C2orf42: variants seen among roughly 807,000 people sequenced by gnomAD.
The protein encoded by C2orf42 is chromosome 2 open reading frame 42.
C2orf42 carries 44 observed loss-of-function variants against 58.9 expected under a neutral mutation model. The observed-to-expected ratio is 0.75, with a 90% confidence interval of 0.59 to 0.96. The LOEUF (loss-of-function observed/expected upper bound fraction) is 0.96. Among genes scored for constraint, C2orf42 ranks in the 40% least tolerant of loss-of-function variants. The probability of loss-of-function intolerance (pLI) is 0.00; values close to 1 mark genes in which losing one functional copy is unlikely to be tolerated. For missense variants in C2orf42, 630 were observed against 699.2 expected, an observed-to-expected ratio of 0.90 and a Z score of 1.12; for synonymous variants, 239 against 265.4, an observed-to-expected ratio of 0.90 and a Z score of 0.97.
At chr2:70,177,332 C>T (rs1391069102) in intron 4 of C2orf42, among the ~76,000 whole-genome samples, 2 of 151,518 alleles carry the variant, frequency 1.3e-5, no homozygotes, top group Non-Finnish European at 2.9e-5. Flanking sequence ...CCCAGCTACT[C>T]GGGAGGCTAA....
chr2:70,171,719 T>G (rs1019158550), intron 5 of C2orf42, among the ~76,000 whole-genome samples: 5 of 151,778 alleles, frequency 3.3e-5, no homozygotes, highest in Non-Finnish European at 7.4e-5. Flanking sequence ...GACATCTTGG[T>G]CAGGCTGGTC....
rs1467888401 is a variant in C2orf42, at chr2:70,169,583, T to A, written c.1118A>T (p.His373Leu). Residue 373 changes from histidine (H) to leucine (L), a missense_variant, in exon 6 of 10, where the codon CAT becomes CTT. Coordinates refer to ENST00000264434, the MANE Select transcript of C2orf42 (RefSeq NM_017880.3). The stretch of plus-strand genomic sequence containing the variant: ...ATCAAACTGATAGTGCATGGTTTGA[T>A]GGATGCGTTCTGTGACACTGGCCAG... ...DWLASVTERIHQTMHYQFDGK... is the reference protein window; with the variant it reads ...DWLASVTERILQTMHYQFDGK... 6 of 1,600,834 alleles carry A rather than the reference T, an allele frequency of 3.7e-6. No individual in the cohort carries two copies. The highest frequency in any genetic ancestry group is 5.1e-6 in the Non-Finnish European group (6 of 1,168,104).
At chr2:70,160,014 C>A (rs1391845620) in intron 9 of C2orf42, among the ~76,000 whole-genome samples, 1 of 152,026 alleles carries the variant, frequency 6.6e-6, no homozygotes, top group Non-Finnish European at 1.5e-5. Context: ...ATTATAAATT[C>A]TAAATTTCTT....
At chr2:70,170,761 A>G (rs1231485315) in intron 5 of C2orf42, among the ~76,000 whole-genome samples, 2 of 149,958 alleles carry the variant, frequency 1.3e-5, no homozygotes, top group African/African-American at 4.9e-5. Context: ...AAAAAAAAAG[A>G]AAAAGAAAAT....
intron 8 of C2orf42, among the ~76,000 whole-genome samples, chr2:70,161,348 G>C (rs1673038293): frequency 6.6e-6 from 1 of 152,208 alleles, no homozygotes; most frequent in Admixed American, 6.5e-5. Context: ...GGTAAGTAAT[G>C]CCTGACAGTG....
chr2:70,165,462 A>T (rs1448286103), intron 7 of C2orf42, 66 bp downstream of exon 7: 1 of 944,128 alleles, frequency 1.1e-6, no homozygotes, highest in Non-Finnish European at 1.7e-6. Flanking sequence ...TTCCACACAG[A>T]TTTTTTCCAA....
At chr2:70,189,743 G>A (rs1675210220) in intron 1 of C2orf42, among the ~76,000 whole-genome samples, 1 of 130,332 alleles carries the variant, frequency 7.7e-6, no homozygotes, top group African/African-American at 2.9e-5. Context: ...AATGGCCTGA[G>A]TAGCTGGACG....
chr2:70,172,472 G>GT (rs1673892917), intron 5 of C2orf42, among the ~76,000 whole-genome samples: 1 of 152,076 alleles, frequency 6.6e-6, no homozygotes, highest in Non-Finnish European at 1.5e-5. Flanking sequence ...GAGCCCAGGA[G>GT]TTTGAGACCA....
Position 70,180,493 on chromosome 2 carries a change from G to A in C2orf42, c.823+670C>T, listed in dbSNP as rs1238504473. ...CATGGTGGCAGGCGCCTGTAATCCC[G>A]GCTACTTGGGAGACTGAGGCATGAG... On this transcript the variant is annotated intron_variant, in intron 3 of 9. Coordinates refer to ENST00000264434, the MANE Select transcript of C2orf42 (RefSeq NM_017880.3). 5.4e-5 allele frequency among the ~76,000 whole-genome samples: 8 copies of A among 148,078 alleles called. No individual in the cohort carries two copies. The East Asian group carries it at 8.1e-4, about 15-fold the overall frequency.
chr2:70,181,672 G>T lies in C2orf42; in HGVS notation c.314C>A (p.Thr105Lys). The T allele has an allele frequency of 1.9e-6, 3 of 1,614,104 alleles. No homozygotes were observed. The highest frequency in any genetic ancestry group is 2.5e-6 in the Non-Finnish European group (3 of 1,180,012). ...SETTIQTVDGTIITQLSSGRC... is the reference protein window; with the variant it reads ...SETTIQTVDGKIITQLSSGRC... ...TCCAGAGCTCAGCTGAGTGATGATC[G>T]TCCCATCCACTGTCTGGATTGTTGT... The change falls in exon 3 of 10, where the codon ACG (threonine) becomes AAG (lysine). Residue 105 changes from threonine (T) to lysine (K), a missense_variant. By Grantham distance (78) the Thr-to-Lys change is moderately conservative (BLOSUM62 -1). Transcript: ENST00000264434.
At chr2:70,159,670 G>T (rs1210947216) in intron 9 of C2orf42, among the ~76,000 whole-genome samples, 1 of 151,914 alleles carries the variant, frequency 6.6e-6, no homozygotes, top group Non-Finnish European at 1.5e-5. Context: ...TGAAATTCAA[G>T]TACAGTCTAA....
chr2:70,166,214 C>T (rs533360920), intron 6 of C2orf42, among the ~76,000 whole-genome samples: 22 of 151,116 alleles, frequency 1.5e-4, no homozygotes, highest in African/African-American at 4.6e-4. Context: ...ATTAGCCAGG[C>T]GTGGTGGTAT....
At chr2:70,156,086 C>T (rs1259914262) in intron 9 of C2orf42, among the ~76,000 whole-genome samples, 1 of 151,716 alleles carries the variant, frequency 6.6e-6, no homozygotes, top group Non-Finnish European at 1.5e-5. Flanking sequence ...ACCCGGGAGG[C>T]GGAGGTTGCG....
At position 70,181,648 on chromosome 2, in the gene C2orf42, C is replaced by A; in HGVS notation, c.338G>T (p.Gly113Val). ...DGTIITQLSS[G>V]RCYVPSCLKA... ...CAGGCATGAGGGGACATAACACCGT[C>A]CAGAGCTCAGCTGAGTGATGATCGT... Residue 113 changes from glycine (G) to valine (V), a missense_variant, in exon 3 of 10, where the codon GGA becomes GTA. By Grantham distance (109) the Gly-to-Val change is moderately radical. Transcript: ENST00000264434. 1.2e-6 allele frequency: 2 copies of A among 1,614,120 alleles called. No individual in the cohort carries two copies. The highest frequency in any genetic ancestry group is 1.7e-6 in the Non-Finnish European group (2 of 1,180,016).
intron 9 of C2orf42, among the ~76,000 whole-genome samples, chr2:70,151,917 C>CT (rs1672338986): frequency 6.6e-6 from 1 of 151,922 alleles, no homozygotes; most frequent in Non-Finnish European, 1.5e-5. Flanking sequence ...GCTGGGACTA[C>CT]AGGCACGCAC....
chr2:70,160,525 GTCT>G, intron 9 of C2orf42, 97 bp downstream of exon 9: 2 of 734,874 alleles, frequency 2.7e-6, no homozygotes, highest in East Asian at 2.9e-5. Context: ...GAATGAATGT[GTCT>G]TCTTTGTTTA....
intron 5 of C2orf42, among the ~76,000 whole-genome samples, chr2:70,175,056 AT>A (rs144647895): frequency 6.6e-6 from 1 of 152,096 alleles, no homozygotes; most frequent in African/African-American, 2.4e-5. Context: ...TTTAAAAATT[AT>A]TTTTTTAAAT....
chr2:70,157,454 A>AAAAC (rs140409034), intron 9 of C2orf42, among the ~76,000 whole-genome samples: 2,085 of 150,296 alleles, frequency 0.014, 15 homozygotes, highest in Non-Finnish European at 0.02. Flanking sequence ...CTCCCGTCTC[A>AAAAC]AAACAAACAA....
At chr2:70,182,991 C>T (rs966921222) in intron 1 of C2orf42, 56 bp from the exon 2 acceptor site, 4 of 152,104 alleles carry the variant, frequency 2.6e-5, no homozygotes, top group African/African-American at 9.7e-5. Context: ...ATGATTCTTT[C>T]GTTAGAAATC....
Sources: gnomAD v4.1 joint callset for allele counts (sites outside exome capture counted in the v4.1 genomes callset) on GRCh38, gnomAD v4.1.1 for gene constraint, MANE v1.5 for transcripts, NCBI Gene and HGNC (gene_info 2026-07-23, HGNC 2026-07-21) for gene names.